Variants in FAF1 observed in about 807,000 individuals in gnomAD.
FAF1 encodes the protein FAS-associated factor 1.
FAF1 carries 25 observed loss-of-function variants against 92.5 expected under a neutral mutation model. That is an observed-to-expected ratio of 0.27 (90% CI 0.20 to 0.38). The LOEUF is 0.38. Among genes scored for constraint, FAF1 ranks in the 10% least tolerant of loss-of-function variants. FAF1 has a pLI of 1.00. For synonymous variants in FAF1, 234 were observed against 273.2 expected, an observed-to-expected ratio of 0.86 and a Z score of 1.42; for missense variants, 636 against 793.3, an observed-to-expected ratio of 0.80 and a Z score of 2.38.
intron 7 of FAF1, among the ~76,000 whole-genome samples, chr1:50,662,481 A>ATATATT: frequency 6.6e-6 from 1 of 152,262 alleles, no homozygotes; most frequent in Admixed American, 6.5e-5. Flanking sequence ...ACTAATTTAA[A>ATATATT]TATATTAAGT....
At chr1:50,716,511 T>A (rs964212130) in intron 6 of FAF1, among the ~76,000 whole-genome samples, 1 of 152,152 alleles carries the variant, frequency 6.6e-6, no homozygotes, top group Non-Finnish European at 1.5e-5. Flanking sequence ...GCTAGAGGAT[T>A]GTAAAATGCA....
intron 4 of FAF1, among the ~76,000 whole-genome samples, chr1:50,761,064 G>A (rs373698484): frequency 2.0e-5 from 3 of 152,086 alleles, no homozygotes; most frequent in Non-Finnish European, 4.4e-5. Context: ...AAACACCTCT[G>A]TGCAAATAAA....
intron 4 of FAF1, among the ~76,000 whole-genome samples, chr1:50,766,856 C>T (rs1211049297): frequency 2.0e-5 from 3 of 149,836 alleles, no homozygotes; most frequent in African/African-American, 4.9e-5. Flanking sequence ...GAATGCTCAG[C>T]TCATACAGAT....
At chr1:50,900,507 C>G (rs1042965476) in intron 1 of FAF1, among the ~76,000 whole-genome samples, 1 of 152,120 alleles carries the variant, frequency 6.6e-6, no homozygotes, top group African/African-American at 2.4e-5. Flanking sequence ...AGAGCATAGG[C>G]TTTGGAGTCA....
intron 6 of FAF1, among the ~76,000 whole-genome samples, chr1:50,726,321 CA>C (rs1487124075): frequency 6.6e-6 from 1 of 152,104 alleles, no homozygotes; most frequent in Non-Finnish European, 1.5e-5. Context: ...AGTTCAATAG[CA>C]AGACTCAATA....
At chr1:50,774,332 C>T (rs1660878392) in intron 4 of FAF1, among the ~76,000 whole-genome samples, 1 of 152,116 alleles carries the variant, frequency 6.6e-6, no homozygotes. Flanking sequence ...ATGGCTGAGG[C>T]ATGTGGGGGA....
At chr1:50,549,876 G>A (rs1010819853) in intron 13 of FAF1, among the ~76,000 whole-genome samples, 1 of 152,084 alleles carries the variant, frequency 6.6e-6, no homozygotes, top group African/African-American at 2.4e-5. Context: ...CTAAGTAACT[G>A]GGATTACAGG....
chr1:50,507,767 G>T (rs1344401570), intron 15 of FAF1, among the ~76,000 whole-genome samples: 1 of 152,080 alleles, frequency 6.6e-6, no homozygotes, highest in South Asian at 2.1e-4. Context: ...AGTGATTTGA[G>T]CAGTGAAAGG....
intron 18 of FAF1, chr1:50,452,319 C>T: frequency 2.5e-6 from 1 of 395,454 alleles, no homozygotes. Flanking sequence ...TGTAGTGTGG[C>T]AAGATAAACC....
At chr1:50,586,659 T>C (rs1296474514) in intron 9 of FAF1, among the ~76,000 whole-genome samples, 5 of 152,160 alleles carry the variant, frequency 3.3e-5, no homozygotes, top group East Asian at 1.9e-4. Flanking sequence ...CCTTAATAGT[T>C]TGTTCGTAGA....
chr1:50,713,155 CAAAAAA>C (rs371395514), intron 6 of FAF1, among the ~76,000 whole-genome samples: 4 of 46,532 alleles, frequency 8.6e-5, no homozygotes, highest in African/African-American at 3.1e-4. Flanking sequence ...GCCAGACCCT[CAAAAAA>C]AAAAAAAAAA....
At chr1:50,835,814 G>A (rs889503351) in intron 2 of FAF1, among the ~76,000 whole-genome samples, 3 of 152,072 alleles carry the variant, frequency 2.0e-5, no homozygotes, top group Non-Finnish European at 4.4e-5. Flanking sequence ...AGTAATTGTA[G>A]GATGGCTTCC....
At chr1:50,707,007 T>A (rs1260071094) in intron 6 of FAF1, among the ~76,000 whole-genome samples, 1 of 151,880 alleles carries the variant, frequency 6.6e-6, no homozygotes, top group Non-Finnish European at 1.5e-5. Context: ...ATCAAGACCA[T>A]CCTGGCTAAC....
intron 7 of FAF1, among the ~76,000 whole-genome samples, chr1:50,662,068 G>A (rs1390335624): frequency 6.6e-6 from 1 of 152,090 alleles, no homozygotes. Context: ...GGGCTGGCCT[G>A]TGTTGGAGAA....
chr1:50,567,238 A>C lies in FAF1; in HGVS notation c.1114-7T>G. ...AGATAGCAAGAAGCTTTCTCTGAAAAGAGGAGAAAAATCTGATCAATTAAA... is the reference window on the plus strand; with the variant it reads ...AGATAGCAAGAAGCTTTCTCTGAAACGAGGAGAAAAATCTGATCAATTAAA... On this transcript the variant is annotated splice_polypyrimidine_tract_variant and splice_region_variant and intron_variant, in intron 12 of 18. Coordinates refer to ENST00000396153, the MANE Select transcript of FAF1 (RefSeq NM_007051.3). 6.3e-7 allele frequency: 1 copy of C among 1,585,390 alleles called. No individual in the cohort carries two copies. Among genetic ancestry groups the C allele is most frequent in the Non-Finnish European group, 8.6e-7 (1 of 1,166,452 alleles).
intron 6 of FAF1, among the ~76,000 whole-genome samples, chr1:50,724,480 A>G (rs1658563001): frequency 6.6e-6 from 1 of 152,136 alleles, no homozygotes; most frequent in Non-Finnish European, 1.5e-5. Flanking sequence ...CTTAATGGGT[A>G]TAGTGGAGTG....
intron 6 of FAF1, among the ~76,000 whole-genome samples, chr1:50,714,348 A>T (rs184442567): frequency 0.048 from 6,747 of 139,170 alleles, 470 homozygotes; most frequent in African/African-American, 0.16. Flanking sequence ...ACTAAAAATT[A>T]AAAAAAAAAA....
In FAF1 at chr1:50,462,753, T is replaced by A. The variant is rs1292585303; in HGVS notation, c.1869+12711A>T. Among the ~76,000 whole-genome samples the A allele has an allele frequency of 2.6e-5, 4 of 152,144 alleles. No individual in the cohort carries two copies. The East Asian group carries it at 7.7e-4, about 29-fold the overall frequency. ...TGAAAATCTCCTTTGAAAATACAGG[T>A]TGATTGGTGCTTGTTAGGATTCTTC... On this transcript the variant is annotated intron_variant, in intron 18 of 18. Transcript: ENST00000396153.
At chr1:50,762,294 C>T (rs958199108) in intron 4 of FAF1, among the ~76,000 whole-genome samples, 4 of 152,162 alleles carry the variant, frequency 2.6e-5, no homozygotes, top group African/African-American at 4.8e-5. Flanking sequence ...AATGCCATCC[C>T]CATCAAGCTA....
Sources: allele counts gnomAD v4.1 joint callset (sites outside exome capture counted in the v4.1 genomes callset), GRCh38; gene constraint gnomAD v4.1.1; transcripts MANE v1.5; gene names NCBI Gene and HGNC (gene_info 2026-07-23, HGNC 2026-07-21).